PRKD1: variants seen among roughly 807,000 people sequenced by gnomAD.
PRKD1 encodes serine/threonine-protein kinase D1.
PRKD1 carries 63 observed loss-of-function variants against 95.9 expected under a neutral mutation model. The ratio of observed to expected loss-of-function variants is 0.66; its 90% CI spans 0.54 to 0.81. PRKD1 has a LOEUF of 0.81. Among genes scored for constraint, PRKD1 ranks in the 30% least tolerant of loss-of-function variants. The pLI is 0.00. For synonymous variants in PRKD1, 425 were observed against 423.1 expected (o/e 1.00, Z -0.05); for missense variants, 1,048 against 1,165.3 (o/e 0.90, Z 1.47).
chr14:29,894,780 A>C (rs1042258944), intron 1 of PRKD1, among the ~76,000 whole-genome samples: 3 of 152,354 alleles, frequency 2.0e-5, no homozygotes, highest in African/African-American at 7.2e-5. Flanking sequence ...GAAACAAGCC[A>C]GAACAATACT....
At chr14:29,811,978 A>G (rs1890505056) in intron 1 of PRKD1, 1 of 152,206 alleles carries the variant, frequency 6.6e-6, no homozygotes, top group Non-Finnish European at 1.5e-5. Flanking sequence ...TCATACCTAC[A>G]CAAGGATGAC....
At chr14:29,647,410 G>A (rs557411361) in intron 4 of PRKD1, among the ~76,000 whole-genome samples, 30 of 152,268 alleles carry the variant, frequency 2.0e-4, no homozygotes, top group African/African-American at 5.3e-4. Flanking sequence ...CATTTCCACC[G>A]AAGAAGAAAA....
chr14:29,704,603 C>T (rs963564352), intron 2 of PRKD1, among the ~76,000 whole-genome samples: 1 of 152,024 alleles, frequency 6.6e-6, no homozygotes, highest in African/African-American at 2.4e-5. Context: ...CCACCCCCTG[C>T]CCCAATTTCA....
chr14:29,655,627 C>T (rs2139189439), intron 4 of PRKD1, among the ~76,000 whole-genome samples: 1 of 152,238 alleles, frequency 6.6e-6, no homozygotes, highest in East Asian at 1.9e-4. Context: ...TGCTCTAATA[C>T]TTGACCTAAA....
chr14:29,914,777 C>CTT (rs112898460), intron 1 of PRKD1, among the ~76,000 whole-genome samples: 4 of 144,344 alleles, frequency 2.8e-5, no homozygotes, highest in Admixed American at 6.9e-5. Flanking sequence ...CTTTTCTTTT[C>CTT]TTTTTTTTTT....
At chr14:29,656,868 A>C (rs1594401674) in intron 4 of PRKD1, among the ~76,000 whole-genome samples, 1 of 152,314 alleles carries the variant, frequency 6.6e-6, no homozygotes, top group East Asian at 1.9e-4. Flanking sequence ...TTGACCTTTA[A>C]GTGAAAGATT....
chr14:29,688,329 T>G (rs1275724025), intron 2 of PRKD1, among the ~76,000 whole-genome samples: 1 of 152,156 alleles, frequency 6.6e-6, no homozygotes, highest in East Asian at 1.9e-4. Flanking sequence ...AATTCTCTTT[T>G]TTCATATACC....
intron 1 of PRKD1, among the ~76,000 whole-genome samples, chr14:29,897,933 G>GT (rs1223674680): frequency 6.6e-6 from 1 of 151,944 alleles, no homozygotes; most frequent in Non-Finnish European, 1.5e-5. Context: ...AAACAACCTT[G>GT]TTATACAGCT....
chr14:29,577,512 T>A lies in PRKD1; in HGVS notation c.2521-56A>T, dbSNP rs952950040. ...GAGATCATTACAACTCAACATACTG[T>A]TTCATATGATGTCAGTTTCTGCAAT... On this transcript the variant is annotated intron_variant, in intron 17 of 17. Transcript: ENST00000331968. 2.0e-6 allele frequency: 3 copies of A among 1,504,600 alleles called. No homozygotes were observed. In the African/African-American group the frequency reaches 4.1e-5, roughly 21 times the overall value. 93.2% of individuals were successfully genotyped at this position (1,504,600 alleles called of 1,614,324 possible). A position where few individuals can be genotyped will look rare whatever the true frequency, so the allele number is the denominator to read the frequency against.
chr14:29,718,072 A>G (rs780072875), intron 2 of PRKD1, among the ~76,000 whole-genome samples: 7 of 152,152 alleles, frequency 4.6e-5, no homozygotes, highest in Admixed American at 6.6e-5. Flanking sequence ...TAACATTCCA[A>G]TCTGCTTGCT....
intron 1 of PRKD1, among the ~76,000 whole-genome samples, chr14:29,749,209 CTA>C (rs1887366708): frequency 6.6e-6 from 1 of 152,172 alleles, no homozygotes; most frequent in Non-Finnish European, 1.5e-5. Flanking sequence ...ACCTACTACA[CTA>C]TCTCTTCTCC....
At chr14:29,670,244 C>T (rs17115194) in intron 2 of PRKD1, among the ~76,000 whole-genome samples, 2,315 of 152,128 alleles carry the variant, frequency 0.015, 68 homozygotes, top group African/African-American at 0.052. Context: ...GACTAAGGAA[C>T]GGTATCTGTA....
At chr14:29,630,143 C>A (rs1163624469) in intron 10 of PRKD1, among the ~76,000 whole-genome samples, 3 of 151,690 alleles carry the variant, frequency 2.0e-5, no homozygotes, top group African/African-American at 7.3e-5. Flanking sequence ...GGCTAGATTT[C>A]TCCTCCTCCT....
At chr14:29,897,847 A>G (rs955863415) in intron 1 of PRKD1, among the ~76,000 whole-genome samples, 1 of 152,226 alleles carries the variant, frequency 6.6e-6, no homozygotes, top group East Asian at 1.9e-4. Flanking sequence ...AGTTTTTGAT[A>G]AAAGATAAAA....
At chr14:29,826,651 ATGTGTG>A (rs1430957114) in intron 1 of PRKD1, among the ~76,000 whole-genome samples, 1 of 39,882 alleles carries the variant, frequency 2.5e-5, no homozygotes, top group African/African-American at 1.2e-4. Context: ...GTGTATATAT[ATGTGTG>A]TGTGTGTATA....
intron 1 of PRKD1, among the ~76,000 whole-genome samples, chr14:29,792,063 T>A (rs1489483331): frequency 6.6e-6 from 1 of 152,154 alleles, no homozygotes; most frequent in Non-Finnish European, 1.5e-5. Context: ...TTTCTCACTC[T>A]ATAAAAATGA....
At position 29,848,330 on chromosome 14, in the gene PRKD1, C is replaced by T. The variant is rs1021750623; in HGVS notation, c.264+78919G>A. Among the ~76,000 whole-genome samples, 5 of 152,126 alleles carry T rather than the reference C, an allele frequency of 3.3e-5. No homozygotes were observed. In the East Asian group the frequency reaches 9.7e-4, roughly 29 times the overall value. On this transcript the variant is annotated intron_variant, in intron 1 of 17. Transcript: ENST00000331968. ...AACCCTTTCCATCAAGCTGAAGTGA[C>T]GTCCAGAAGAATTAAAGGGCCAGTA...
chr14:29,691,067 T>A (rs2139297503), intron 2 of PRKD1, among the ~76,000 whole-genome samples: 1 of 152,306 alleles, frequency 6.6e-6, no homozygotes, highest in African/African-American at 2.4e-5. Flanking sequence ...AAGTACACGG[T>A]CAATACACAC....
intron 4 of PRKD1, among the ~76,000 whole-genome samples, chr14:29,645,728 GTTA>G (rs1881081645): frequency 6.6e-6 from 1 of 152,030 alleles, no homozygotes; most frequent in South Asian, 2.1e-4. Flanking sequence ...ACGCATAACT[GTTA>G]TTATTGTTGA....
Sources: gnomAD v4.1 joint callset for allele counts (sites outside exome capture counted in the v4.1 genomes callset) on GRCh38, gnomAD v4.1.1 for gene constraint, MANE v1.5 for transcripts, NCBI Gene and HGNC (gene_info 2026-07-23, HGNC 2026-07-21) for gene names.